FAM107B: variants seen among roughly 807,000 people sequenced by gnomAD.
FAM107B encodes protein FAM107B.
A neutral mutation model predicts 31.5 loss-of-function variants in FAM107B; 21 were observed. The observed-to-expected ratio is 0.67, with a 90% CI of 0.47 to 0.96. FAM107B has a LOEUF of 0.96. FAM107B is among the 40% of genes least tolerant of loss of function. The probability of loss-of-function intolerance (pLI) is 0.00; values close to 1 mark genes in which losing one functional copy is unlikely to be tolerated. For synonymous variants in FAM107B, 157 were observed against 141.5 expected, an observed-to-expected ratio of 1.11 and a Z score of -0.78; for missense variants, 452 against 377.1, an observed-to-expected ratio of 1.20 and a Z score of -1.64.
chr10:14,630,111 C>A (rs1351011610), intron 2 of FAM107B, among the ~76,000 whole-genome samples: 2 of 152,006 alleles, frequency 1.3e-5, no homozygotes, highest in Admixed American at 1.3e-4. Flanking sequence ...ATTTCCTGTT[C>A]TCCATACTTA....
chr10:14,601,798 T>G (rs1410969895), intron 2 of FAM107B, among the ~76,000 whole-genome samples: 1 of 152,242 alleles, frequency 6.6e-6, no homozygotes, highest in Non-Finnish European at 1.5e-5. Flanking sequence ...ATATTCCTCA[T>G]CTTTCCTCTT....
chr10:14,667,048 T>C (rs919799375), intron 2 of FAM107B, among the ~76,000 whole-genome samples: 2 of 152,236 alleles, frequency 1.3e-5, no homozygotes, highest in Admixed American at 6.5e-5. Flanking sequence ...GTATTAAGAT[T>C]TAGCTTTCAT....
intron 2 of FAM107B, chr10:14,663,267 C>CTA (rs952005669): frequency 5.3e-5 from 8 of 152,216 alleles, no homozygotes; most frequent in Non-Finnish European, 1.0e-4. Context: ...TCATGTGAGT[C>CTA]TATACTCCTC....
At chr10:14,547,332 T>G (rs1477206469) in intron 2 of FAM107B, among the ~76,000 whole-genome samples, 1 of 152,206 alleles carries the variant, frequency 6.6e-6, no homozygotes, top group Non-Finnish European at 1.5e-5. Flanking sequence ...TCTCTGGGTT[T>G]GTTTCCTTAC....
intron 1 of FAM107B, among the ~76,000 whole-genome samples, chr10:14,758,938 G>A (rs1245170882): frequency 6.7e-6 from 1 of 149,504 alleles, no homozygotes; most frequent in African/African-American, 2.5e-5. Flanking sequence ...CAGCACTTTG[G>A]GAGGCCGAGG....
At chr10:14,745,574 G>A (rs1832709858) in intron 1 of FAM107B, among the ~76,000 whole-genome samples, 2 of 152,254 alleles carry the variant, frequency 1.3e-5, no homozygotes, top group East Asian at 1.9e-4. Flanking sequence ...GAGTCATTCA[G>A]GAGCAAATTG....
chr10:14,543,533 G>C (rs1848426231), intron 2 of FAM107B, among the ~76,000 whole-genome samples: 1 of 151,950 alleles, frequency 6.6e-6, no homozygotes, highest in Admixed American at 6.6e-5. Flanking sequence ...GGCCAAACGA[G>C]AGACCACAGG....
chr10:14,539,253 G>A (rs1847939017), intron 2 of FAM107B, among the ~76,000 whole-genome samples: 1 of 152,228 alleles, frequency 6.6e-6, no homozygotes, highest in African/African-American at 2.4e-5. Flanking sequence ...AATGACTGGA[G>A]CAGGATCTCA....
At chr10:14,659,685 G>T (rs945863374) in intron 2 of FAM107B, among the ~76,000 whole-genome samples, 3 of 152,180 alleles carry the variant, frequency 2.0e-5, no homozygotes, top group African/African-American at 7.2e-5. Context: ...AAACTGCACT[G>T]TTGACTGTTC....
At chr10:14,764,300 G>A (rs1833118458) in intron 1 of FAM107B, among the ~76,000 whole-genome samples, 1 of 152,180 alleles carries the variant, frequency 6.6e-6, no homozygotes, top group Non-Finnish European at 1.5e-5. Context: ...TTAAGTTACA[G>A]GACTGTGCAC....
rs538408342 is a variant in FAM107B, at chr10:14,759,560, G to A, written c.411+14693C>T. 2.4e-4 allele frequency among the ~76,000 whole-genome samples: 37 copies of A among 152,216 alleles called. No homozygotes were observed. The South Asian group carries it at 7.7e-3, about 32-fold the overall frequency. On this transcript the variant is annotated intron_variant, in intron 1 of 4. Coordinates refer to ENST00000181796, the MANE Select transcript of FAM107B (RefSeq NM_031453.4). ...TAGACTATGAAGAACTTGAGGATGG[G>A]GGCGCTGTCATTTTGTCTTTTTATC...
intron 2 of FAM107B, among the ~76,000 whole-genome samples, chr10:14,582,725 A>G (rs966028708): frequency 6.6e-6 from 1 of 152,108 alleles, no homozygotes; most frequent in Admixed American, 6.5e-5. Context: ...ATGGAGGCAC[A>G]CTACTCTTAC....
chr10:14,630,887 A>G (rs1307499160), intron 2 of FAM107B, among the ~76,000 whole-genome samples: 1 of 152,092 alleles, frequency 6.6e-6, no homozygotes, highest in Non-Finnish European at 1.5e-5. Flanking sequence ...TTTTAAAATA[A>G]AATAAAGTAG....
chr10:14,759,818 T>C (rs1833007942), intron 1 of FAM107B, among the ~76,000 whole-genome samples: 1 of 152,064 alleles, frequency 6.6e-6, no homozygotes, highest in South Asian at 2.1e-4. Context: ...CACAAGTGAT[T>C]CTTGTGTCTC....
intron 2 of FAM107B, among the ~76,000 whole-genome samples, chr10:14,655,179 C>T (rs1422445676): frequency 6.6e-6 from 1 of 152,152 alleles, no homozygotes; most frequent in African/African-American, 2.4e-5. Context: ...AGAGCTCCGT[C>T]AATCCATCAA....
At chr10:14,523,879 T>G (rs2130777860) in intron 3 of FAM107B, among the ~76,000 whole-genome samples, 1 of 151,610 alleles carries the variant, frequency 6.6e-6, no homozygotes, top group East Asian at 1.9e-4. Flanking sequence ...TTTTTTTTTT[T>G]TTTTTCTGAG....
intron 2 of FAM107B, among the ~76,000 whole-genome samples, chr10:14,638,034 T>C (rs568967596): frequency 6.6e-6 from 1 of 152,300 alleles, no homozygotes; most frequent in Admixed American, 6.5e-5. Context: ...TTTTTGTCAC[T>C]AAGTTTGTGG....
intron 2 of FAM107B, among the ~76,000 whole-genome samples, chr10:14,628,019 G>T (rs898793990): frequency 1.3e-5 from 2 of 151,926 alleles, no homozygotes; most frequent in Non-Finnish European, 2.9e-5. Flanking sequence ...TTATAAAAAG[G>T]TCAATACAGC....
intron 2 of FAM107B, among the ~76,000 whole-genome samples, chr10:14,590,837 A>G (rs1467878879): frequency 1.3e-5 from 2 of 151,520 alleles, no homozygotes; most frequent in South Asian, 4.2e-4. Flanking sequence ...AAAAAACACA[A>G]AATTAGATGG....
Sources: gnomAD v4.1 joint callset for allele counts (sites outside exome capture counted in the v4.1 genomes callset) on GRCh38, gnomAD v4.1.1 for gene constraint, MANE v1.5 for transcripts, NCBI Gene and HGNC (gene_info 2026-07-23, HGNC 2026-07-21) for gene names.